Variants in MED13 observed in about 807,000 individuals in gnomAD.
MED13 encodes mediator complex subunit 13, also known as mediator of RNA polymerase II transcription subunit 13.
Under a neutral mutation model 225.2 loss-of-function variants are expected in MED13, and 23 were observed. The ratio of observed to expected loss-of-function variants is 0.10; its 90% CI spans 0.07 to 0.14. MED13 has a LOEUF of 0.14. Ranked by LOEUF, MED13 falls within the 10% of genes least tolerant of loss-of-function variation. The pLI is 1.00. For synonymous variants in MED13, 942 were observed against 889.2 expected (o/e 1.06, Z -1.06); for missense variants, 2,197 against 2,594.5 (o/e 0.85, Z 3.33).
chr17:62,011,472 G>C (rs898831058), intron 8 of MED13, among the ~76,000 whole-genome samples: 1 of 152,136 alleles, frequency 6.6e-6, no homozygotes, highest in Non-Finnish European at 1.5e-5. Flanking sequence ...ATAGCCATGT[G>C]ATCAGACAGC....
chr17:62,009,850 AT>A (rs1305680246), intron 9 of MED13, among the ~76,000 whole-genome samples: 3 of 152,240 alleles, frequency 2.0e-5, no homozygotes, highest in African/African-American at 7.2e-5. Flanking sequence ...TTTACTATAT[AT>A]TCATAAGGAA....
At chr17:61,990,772 C>G (rs1206337737) in intron 11 of MED13, among the ~76,000 whole-genome samples, 1 of 151,940 alleles carries the variant, frequency 6.6e-6, no homozygotes, top group Admixed American at 6.6e-5. Flanking sequence ...TACTATGTCT[C>G]TCTATTCCAT....
chr17:61,946,318 TCCC>T lies in MED13; in HGVS notation c.*147_*149del. On this transcript the variant is annotated 3_prime_UTR_variant, in exon 30 of 30. Coordinates refer to ENST00000397786, the MANE Select transcript of MED13 (RefSeq NM_005121.3). ...TGAAAAATAGCAGGGTTATAGCCCCTCCCCCCAAGTCAAAACAATATTTGTTGA... is the reference window on the plus strand; with the variant it reads ...TGAAAAATAGCAGGGTTATAGCCCCTCCCAAGTCAAAACAATATTTGTTGA... 3 of 882,288 alleles carry T rather than the reference TCCC, an allele frequency of 3.4e-6. No individual in the cohort carries two copies. The highest frequency in any genetic ancestry group is 2.9e-5 in the Admixed American group (1 of 34,438). 54.7% of individuals were successfully genotyped at this position (882,288 alleles called of 1,614,324 possible). A position where few individuals can be genotyped will look rare whatever the true frequency, so the allele number is the denominator to read the frequency against.
intron 27 of MED13, among the ~76,000 whole-genome samples, chr17:61,951,776 T>C (rs1035931158): frequency 1.3e-5 from 2 of 152,224 alleles, no homozygotes; most frequent in Non-Finnish European, 2.9e-5. Context: ...CTATCTAATT[T>C]CTTTGCAGTT....
At chr17:61,966,678 A>G in intron 18 of MED13, 27 bp from the exon 19 acceptor site, 1 of 1,463,134 alleles carries the variant, frequency 6.8e-7, no homozygotes, top group South Asian at 1.3e-5. Flanking sequence ...AGAAAGCAGA[A>G]TTAGTAAATT....
At chr17:61,985,190 A>G in intron 12 of MED13, 100 bp from the exon 13 acceptor site, 1 of 963,580 alleles carries the variant, frequency 1.0e-6, no homozygotes, top group Admixed American at 2.3e-5. Context: ...CCCATTCATT[A>G]AAAGTAGTAT....
intron 17 of MED13, among the ~76,000 whole-genome samples, chr17:61,968,748 C>T (rs2143390044): frequency 6.6e-6 from 1 of 152,186 alleles, no homozygotes; most frequent in East Asian, 1.9e-4. Flanking sequence ...CTAAACAAGT[C>T]TTTTTATTTA....
Position 62,011,219 on chromosome 17 carries a change from T to A in MED13, c.1298A>T (p.Lys433Met). 2 of 1,604,804 alleles carry A rather than the reference T, an allele frequency of 1.2e-6. No homozygotes were observed. Among genetic ancestry groups the A allele is most frequent in the Non-Finnish European group, 1.7e-6 (2 of 1,176,426 alleles). The change falls in exon 9 of 30, where the codon AAG becomes ATG. Residue 433 changes from lysine (K) to methionine (M), a missense_variant. Lys to Met is a moderately conservative substitution (Grantham distance 95). Coordinates refer to ENST00000397786, the MANE Select transcript of MED13 (RefSeq NM_005121.3). ...NCSCLRHKNL[K>M]SRNAGQQGQA... The stretch of plus-strand genomic sequence containing the variant: ...TCCTTGTTGTCCAGCATTTCTTGAC[T>A]TGAGATTTTTGTGCCTGAAAAGTGA...
At chr17:62,031,339 A>G in intron 6 of MED13, 105 bp downstream of exon 6, 2 of 1,036,408 alleles carry the variant, frequency 1.9e-6, no homozygotes, top group Non-Finnish European at 2.7e-6. Flanking sequence ...ACACTTGTAA[A>G]TTCTCAAGAA....
At chr17:62,056,900 C>T (rs2143771772) in intron 2 of MED13, among the ~76,000 whole-genome samples, 1 of 152,202 alleles carries the variant, frequency 6.6e-6, no homozygotes, top group South Asian at 2.1e-4. Context: ...TTTTTATGGA[C>T]TATTTATTGG....
Position 61,982,775 on chromosome 17 carries a change from G to T in MED13, c.3228C>A (p.Ile1076=). The T allele has an allele frequency of 1.9e-6, 3 of 1,614,176 alleles. No homozygotes were observed. Among genetic ancestry groups the T allele is most frequent in the Non-Finnish European group, 2.5e-6 (3 of 1,180,018 alleles). Residue 1076 remains isoleucine, a synonymous_variant, in exon 16 of 30, where the codon ATC becomes ATA. Transcript: ENST00000397786. ...ACAAATTCATAACTGATTCTGAAAG[G>T]ATGAGGTTTACATAAAGACTGTGTG... ...PEAHSLYVNL[I]LSESVMNLFK...
At chr17:62,020,069 A>G (rs938248984) in intron 8 of MED13, among the ~76,000 whole-genome samples, 1 of 152,098 alleles carries the variant, frequency 6.6e-6, no homozygotes, top group African/African-American at 2.4e-5. Flanking sequence ...ATGCTAGAAC[A>G]CAACCACATT....
intron 1 of MED13, 37 bp from the exon 2 acceptor site, chr17:62,063,338 A>C: frequency 7.2e-7 from 1 of 1,391,764 alleles, no homozygotes; most frequent in South Asian, 1.2e-5. Flanking sequence ...ATTACTGCAT[A>C]TTCACTCAAA....
chr17:61,980,420 A>G (rs2080194172), intron 16 of MED13, among the ~76,000 whole-genome samples: 1 of 152,106 alleles, frequency 6.6e-6, no homozygotes, highest in Admixed American at 6.5e-5. Context: ...TTCTATCTCC[A>G]GACCCAATCA....
chr17:62,048,068 ATATG>A (rs2080917940), intron 3 of MED13, among the ~76,000 whole-genome samples: 1 of 146,500 alleles, frequency 6.8e-6, no homozygotes, highest in Non-Finnish European at 1.5e-5. Context: ...ATATATGTAT[ATATG>A]TATATATATA....
At chr17:62,009,950 G>A (rs550408178) in intron 9 of MED13, among the ~76,000 whole-genome samples, 21 of 152,166 alleles carry the variant, frequency 1.4e-4, no homozygotes, top group South Asian at 4.1e-4. Context: ...GGCCAGGTGC[G>A]GTGGCTCATG....
intron 11 of MED13, among the ~76,000 whole-genome samples, chr17:61,990,627 GTATATATA>G (rs5821345): frequency 7.2e-6 from 1 of 139,002 alleles, no homozygotes. Flanking sequence ...GGCGCACTGT[GTATATATA>G]TATATATATA....
At chr17:62,012,607 G>C (rs1567977249) in intron 8 of MED13, among the ~76,000 whole-genome samples, 1 of 152,008 alleles carries the variant, frequency 6.6e-6, no homozygotes, top group African/African-American at 2.4e-5. Context: ...TGGGATTACA[G>C]GCATGAGCCA....
intron 3 of MED13, among the ~76,000 whole-genome samples, chr17:62,039,552 T>C (rs931660268): frequency 9.3e-5 from 14 of 151,238 alleles, no homozygotes; most frequent in African/African-American, 3.4e-4. Context: ...CAAAGTGCTA[T>C]AAATTACAGG....
Sources: allele counts gnomAD v4.1 joint callset (sites outside exome capture counted in the v4.1 genomes callset), GRCh38; gene constraint gnomAD v4.1.1; transcripts MANE v1.5; gene names NCBI Gene and HGNC (gene_info 2026-07-23, HGNC 2026-07-21).